Variants in SH3BGRL observed in about 807,000 individuals in gnomAD.
The protein encoded by SH3BGRL is SH3 domain binding glutamate rich protein like.
A neutral mutation model predicts 9.8 loss-of-function variants in SH3BGRL; 7 were observed. The ratio of observed to expected loss-of-function variants is 0.72; its 90% confidence interval spans 0.41 to 1.35. The LOEUF (loss-of-function observed/expected upper bound fraction) is 1.35. SH3BGRL is among the 40% of genes most tolerant of loss of function. SH3BGRL has a pLI of 0.01. For synonymous variants in SH3BGRL, 36 were observed against 29.1 expected (o/e 1.24, Z -0.76); for missense variants, 73 against 84.4 (o/e 0.86, Z 0.53).
chrX:81,261,451 A>G (rs1326190272), intron 1 of SH3BGRL, among the ~76,000 whole-genome samples: 1 of 111,096 alleles, frequency 9.0e-6, no homozygotes, highest in Non-Finnish European at 1.9e-5. Context: ...TCAAATTGAA[A>G]TCCTCCTGAA....
intron 1 of SH3BGRL, among the ~76,000 whole-genome samples, chrX:81,256,318 G>T (rs957514505): frequency 7.2e-5 from 8 of 111,849 alleles, no homozygotes; most frequent in African/African-American, 2.6e-4. Flanking sequence ...TTACAATTTG[G>T]CAGGATGTTC....
intron 3 of SH3BGRL, 54 bp from the exon 4 acceptor site, chrX:81,297,141 G>A: frequency 9.4e-7 from 1 of 1,060,470 alleles, no homozygotes; most frequent in Non-Finnish European, 1.3e-6. Context: ...AATACACATG[G>A]GTGTCTGCTC....
intron 3 of SH3BGRL, among the ~76,000 whole-genome samples, chrX:81,296,062 C>A (rs1338275111): frequency 1.6e-4 from 18 of 111,653 alleles, no homozygotes; most frequent in Non-Finnish European, 1.9e-4. Flanking sequence ...TGACCCACAC[C>A]TCCAAAGACT....
intron 1 of SH3BGRL, among the ~76,000 whole-genome samples, chrX:81,271,560 G>C (rs1032827648): frequency 9.0e-6 from 1 of 111,658 alleles, no homozygotes; most frequent in Non-Finnish European, 1.9e-5. Flanking sequence ...TTGGTAAAGA[G>C]AAATGAACAA....
At chrX:81,226,508 C>G (rs867408376) in intron 1 of SH3BGRL, among the ~76,000 whole-genome samples, 1 of 96,390 alleles carries the variant, frequency 1.0e-5, no homozygotes, top group Non-Finnish European at 2.1e-5. Flanking sequence ...ATATATATAT[C>G]TATATATATA....
intron 3 of SH3BGRL, among the ~76,000 whole-genome samples, chrX:81,296,541 T>C (rs1029083694): frequency 9.0e-6 from 1 of 111,480 alleles, no homozygotes; most frequent in African/African-American, 3.3e-5. Context: ...AGTATTGATT[T>C]AGTGACAGGT....
chrX:81,213,079 G>T (rs903837971), intron 1 of SH3BGRL, among the ~76,000 whole-genome samples: 3 of 112,066 alleles, frequency 2.7e-5, no homozygotes, highest in Admixed American at 1.9e-4. Context: ...TATGGAGAAT[G>T]GCTCAAAAGG....
intron 1 of SH3BGRL, among the ~76,000 whole-genome samples, chrX:81,271,845 A>T (rs2075780825): frequency 9.0e-6 from 1 of 110,950 alleles, no homozygotes; most frequent in African/African-American, 3.3e-5. Context: ...TTGCAAACAG[A>T]CAAGCTGAAA....
intron 1 of SH3BGRL, among the ~76,000 whole-genome samples, chrX:81,256,748 A>T (rs1602614079): frequency 8.9e-6 from 1 of 112,306 alleles, no homozygotes; most frequent in African/African-American, 3.2e-5. Context: ...ACACTTTATC[A>T]TCCCTATTTG....
chrX:81,210,353 C>T (rs2075559463), intron 1 of SH3BGRL, among the ~76,000 whole-genome samples: 1 of 111,015 alleles, frequency 9.0e-6, no homozygotes, highest in Admixed American at 9.6e-5. Context: ...CCGTTCTCTT[C>T]AGTATGTTAT....
At chrX:81,250,406 CAA>C (rs60249894) in intron 1 of SH3BGRL, among the ~76,000 whole-genome samples, 16,610 of 79,995 alleles carry the variant, frequency 0.21, 1,466 homozygotes, top group East Asian at 0.7. Context: ...GACTCCGTCT[CAA>C]AAAAAAAAAA....
At chrX:81,203,002 T>C (rs1304150029) in intron 1 of SH3BGRL, among the ~76,000 whole-genome samples, 1 of 111,997 alleles carries the variant, frequency 8.9e-6, no homozygotes, top group Non-Finnish European at 1.9e-5. Context: ...TCTTGTGTAG[T>C]GGCAGCCTGA....
intron 1 of SH3BGRL, among the ~76,000 whole-genome samples, chrX:81,264,164 T>G (rs2147702485): frequency 9.0e-6 from 1 of 111,455 alleles, no homozygotes; most frequent in East Asian, 2.8e-4. Flanking sequence ...CTTTGGTGTC[T>G]TACTTAGTTA....
chrX:81,223,441 C>T (rs1202810486), intron 1 of SH3BGRL, among the ~76,000 whole-genome samples: 1 of 111,224 alleles, frequency 9.0e-6, no homozygotes, highest in African/African-American at 3.3e-5. Context: ...ATATATATTT[C>T]CTAAGTACCC....
At chrX:81,221,538 C>T (rs1224245919) in intron 1 of SH3BGRL, among the ~76,000 whole-genome samples, 1 of 111,634 alleles carries the variant, frequency 9.0e-6, no homozygotes, top group Non-Finnish European at 1.9e-5. Context: ...CACCTTTCCC[C>T]TTTATCTTTT....
intron 3 of SH3BGRL, 51 bp downstream of exon 3, chrX:81,278,462 C>A: frequency 1.3e-6 from 1 of 773,467 alleles, no homozygotes; most frequent in Admixed American, 3.2e-5. Flanking sequence ...TGCTGCTGAA[C>A]TTTTTTAATC....
chrX:81,253,611 A>G (rs1158834456), intron 1 of SH3BGRL, among the ~76,000 whole-genome samples: 1 of 112,157 alleles, frequency 8.9e-6, no homozygotes, highest in African/African-American at 3.2e-5. Flanking sequence ...CCAGGTGGTG[A>G]AATTACAGGT....
In SH3BGRL at chrX:81,219,347, T is replaced by C. The variant is rs893523454; in HGVS notation, c.45+17102T>C. On this transcript the variant is annotated intron_variant, in intron 1 of 3. Coordinates refer to ENST00000373212, the MANE Select transcript of SH3BGRL (RefSeq NM_003022.3). ...TGTAGAGAGCTTTCACTTGTTTAAG[T>C]TAATCCCTGTGTAGTTTATTATGTT... Among the ~76,000 whole-genome samples the C allele has an allele frequency of 3.6e-5, 4 of 111,063 alleles. 1 individual carries two copies. The highest frequency in any genetic ancestry group is 7.6e-5 in the Non-Finnish European group (4 of 52,727).
intron 1 of SH3BGRL, among the ~76,000 whole-genome samples, chrX:81,234,883 G>A (rs977263658): frequency 1.8e-5 from 2 of 111,897 alleles, no homozygotes; most frequent in Non-Finnish European, 3.8e-5. Flanking sequence ...GGAGATTTAT[G>A]AGCTAGCAAG....
Sources: allele counts gnomAD v4.1 joint callset (sites outside exome capture counted in the v4.1 genomes callset), GRCh38; gene constraint gnomAD v4.1.1; transcripts MANE v1.5; gene names NCBI Gene and HGNC (gene_info 2026-07-23, HGNC 2026-07-21).